USP42: variants seen among roughly 807,000 people sequenced by gnomAD.
USP42 encodes the protein ubiquitin carboxyl-terminal hydrolase 42.
In USP42, 23 loss-of-function variants were observed where a neutral mutation model predicts 113.0. That is an observed-to-expected ratio of 0.20 (90% CI 0.15 to 0.29). The LOEUF (loss-of-function observed/expected upper bound fraction) is 0.29, where lower values mean the gene tolerates loss of function less well. USP42 is among the 10% of genes least tolerant of loss of function. The pLI is 1.00. For missense variants in USP42, 2,174 were observed against 1,779.8 expected, an observed-to-expected ratio of 1.22 and a Z score of -3.99; for synonymous variants, 933 against 699.0, an observed-to-expected ratio of 1.33 and a Z score of -5.28.
chr7:6,159,233 C>A lies in USP42; in HGVS notation c.3944-217C>A, dbSNP rs1381522323. Reference sequence around the variant, plus strand: ...CAGGCTGCGTGTGGGTTGGATGGAGCCCTCAGTCATCACGTAAACCCTTTG... The same window carrying A: ...CAGGCTGCGTGTGGGTTGGATGGAGACCTCAGTCATCACGTAAACCCTTTG... On this transcript the variant is annotated intron_variant, in intron 16 of 17. Transcript: ENST00000306177. This position sits in a 1 kb window ranked among gnomAD's most constrained non-coding sequence, Gnocchi z 4.1. 2.0e-5 allele frequency among the ~76,000 whole-genome samples: 3 copies of A among 152,130 alleles called. No homozygotes were observed. Among genetic ancestry groups the A allele is most frequent in the East Asian group, 1.9e-4 (1 of 5,182 alleles).
chr7:6,106,220 T>C (rs1779267686), intron 1 of USP42, among the ~76,000 whole-genome samples: 1 of 152,244 alleles, frequency 6.6e-6, no homozygotes, highest in Admixed American at 6.5e-5. Flanking sequence ...TTGGTTTACT[T>C]AAGTATAATT....
rs894056388 is a variant in USP42 at position 6,139,612 on chromosome 7, A to G, written c.656+418A>G. The stretch of plus-strand genomic sequence containing the variant: ...TGATTCTTGTAGCTAGTTCCTTAAA[A>G]TCTAAATGCAGACTCAAGAGGAAGA... On this transcript the variant is annotated intron_variant, in intron 5 of 17. Transcript: ENST00000306177. The surrounding 1 kb of genome is among the most constrained non-coding windows in gnomAD (Gnocchi z 4.5). The G allele has an allele frequency of 1.0e-5, 2 of 199,134 alleles. No individual in the cohort carries two copies. Among genetic ancestry groups the G allele is most frequent in the African/African-American group, 4.7e-5 (2 of 42,208 alleles). The allele number at this position is 199,134 out of a possible 1,614,324, so 12.3% of individuals were successfully genotyped here.
chr7:6,157,286 G>T lies in USP42; in HGVS notation c.3943+231G>T. ...AAGGCCTAAGTGACACAGGACTGAG[G>T]GCAGCACTACCTGTGTCACCAAAGC... On this transcript the variant is annotated intron_variant, in intron 16 of 17. Coordinates refer to ENST00000306177, the MANE Select transcript of USP42 (RefSeq NM_032172.3). The surrounding 1 kb of genome is among the most constrained non-coding windows in gnomAD (Gnocchi z 4.1). The T allele has an allele frequency of 8.0e-7, 1 of 1,247,980 alleles. No homozygotes were observed. The highest frequency in any genetic ancestry group is 1.0e-6 in the Non-Finnish European group (1 of 996,688). The allele number at this position is 1,247,980 out of a possible 1,614,324, so 77.3% of individuals were successfully genotyped here.
the USP42 span, among the ~76,000 whole-genome samples, chr7:6,085,908 C>G: frequency 1.3e-5 from 2 of 151,286 alleles, no homozygotes; most frequent in East Asian, 3.9e-4. Context: ...CCACCGTGCC[C>G]AGCCTATTAG....
intron 6 of USP42, among the ~76,000 whole-genome samples, chr7:6,140,484 T>C (rs1781374382): frequency 6.6e-6 from 1 of 152,184 alleles, no homozygotes; most frequent in South Asian, 2.1e-4. Flanking sequence ...CCTTCGACAG[T>C]TGGAGTAGTG....
At chr7:6,145,742 CT>C in intron 10 of USP42, 86 bp downstream of exon 10, 1 of 1,432,130 alleles carries the variant, frequency 7.0e-7, no homozygotes, top group Non-Finnish European at 9.5e-7. Context: ...AGAGGTGGAA[CT>C]TTTACAGTTA....
At chr7:6,132,488 G>T (rs960424621) in intron 3 of USP42, among the ~76,000 whole-genome samples, 2 of 151,530 alleles carry the variant, frequency 1.3e-5, no homozygotes, top group Non-Finnish European at 2.9e-5. Flanking sequence ...CTCCTGAGTA[G>T]CTGGGGTTAC....
chr7:6,101,852 G>A (rs931557292), upstream of USP42, among the ~76,000 whole-genome samples: 8 of 150,316 alleles, frequency 5.3e-5, no homozygotes, highest in Non-Finnish European at 8.8e-5. Flanking sequence ...GCTGAGGTGG[G>A]CAGATCACTT....
At chr7:6,155,611 T>C (rs1308079861) in intron 15 of USP42, among the ~76,000 whole-genome samples, 1 of 152,208 alleles carries the variant, frequency 6.6e-6, no homozygotes, top group Non-Finnish European at 1.5e-5. Flanking sequence ...TGAAATTCAG[T>C]GGCTGTGAGG....
In USP42 at chr7:6,161,251, T is replaced by TCTCC. The variant is rs1304410018; in HGVS notation, c.*734_*737dup. On this transcript the variant is annotated 3_prime_UTR_variant, in exon 18 of 18. Coordinates refer to ENST00000306177, the MANE Select transcript of USP42 (RefSeq NM_032172.3). ...TCTCTTGTCTTCACTGATACTGGAG[T>TCTCC]CTCCGTTGTCTGCTTGGTCCCTTCG... The TCTCC allele has an allele frequency of 2.0e-5, 3 of 152,526 alleles. No individual in the cohort carries two copies. Among genetic ancestry groups the TCTCC allele is most frequent in the Non-Finnish European group, 2.9e-5 (2 of 68,026 alleles). The allele number at this position is 152,526 out of a possible 1,614,324, so 9.4% of individuals were successfully genotyped here. A position where few individuals can be genotyped will look rare whatever the true frequency, so the allele number is the denominator to read the frequency against.
intron 7 of USP42, among the ~76,000 whole-genome samples, chr7:6,142,452 A>G (rs1163410823): frequency 1.3e-5 from 2 of 152,142 alleles, no homozygotes; most frequent in Admixed American, 1.3e-4. Context: ...TCCTGACCTC[A>G]TGATCTGCCT....
At chr7:6,138,692 C>G (rs1456435497) in intron 4 of USP42, among the ~76,000 whole-genome samples, 1 of 152,194 alleles carries the variant, frequency 6.6e-6, no homozygotes, top group Non-Finnish European at 1.5e-5. Context: ...CACCTGAGCT[C>G]CGCCTCCTGT....
At chr7:6,086,603 A>G in the USP42 span, among the ~76,000 whole-genome samples, 3 of 148,172 alleles carry the variant, frequency 2.0e-5, no homozygotes, top group Admixed American at 2.0e-4. Context: ...ACCCCCCTCA[A>G]CCTCCCAAAG....
chr7:6,126,319 C>T (rs140307382), intron 3 of USP42, among the ~76,000 whole-genome samples: 4 of 148,946 alleles, frequency 2.7e-5, no homozygotes, highest in African/African-American at 9.9e-5. Context: ...AAGTCTTGCT[C>T]TGTTGTCCAG....
Position 6,159,484 on chromosome 7 carries a change from A to G in USP42, c.*27A>G, listed in dbSNP as rs746798598. On this transcript the variant is annotated 3_prime_UTR_variant, in exon 17 of 18. Coordinates refer to ENST00000306177, the MANE Select transcript of USP42 (RefSeq NM_032172.3). This position sits in a 1 kb window ranked among gnomAD's most constrained non-coding sequence, Gnocchi z 4.1. ...AACTCAGCCTCAAAACAAAAAATTC[A>G]CTAGTTATGGTAAGCTGTTTTCCTG... 63 of 1,613,608 alleles carry G rather than the reference A, an allele frequency of 3.9e-5. No homozygotes were observed. The Middle Eastern group carries it at 1.6e-3, about 42-fold the overall frequency.
At chr7:6,142,018 G>C (rs999459865) in intron 7 of USP42, among the ~76,000 whole-genome samples, 1 of 152,108 alleles carries the variant, frequency 6.6e-6, no homozygotes, top group African/African-American at 2.4e-5. Context: ...TGCAGTGAAT[G>C]GATAGACTGT....
At chr7:6,102,055 C>T (rs958822329), upstream of USP42, among the ~76,000 whole-genome samples, 2 of 149,760 alleles carry the variant, frequency 1.3e-5, no homozygotes, top group African/African-American at 5.0e-5. Context: ...GACATTCCAC[C>T]TTAATTCACA....
chr7:6,115,449 A>G lies in USP42; in HGVS notation c.368A>G (p.Asn123Ser). The change falls in exon 3 of 18, where the codon AAT becomes AGT. Residue 123 changes from asparagine (N) to serine (S), a missense_variant. Coordinates refer to ENST00000306177, the MANE Select transcript of USP42 (RefSeq NM_032172.3). ...LQNLGNTCFA[N>S]AALQCLTYTP... Reference sequence around the variant, plus strand: ...AATTTGGGCAATACCTGTTTTGCCAATGCAGCACTGCAGTGTTTAACCTAC... The same window carrying G: ...AATTTGGGCAATACCTGTTTTGCCAGTGCAGCACTGCAGTGTTTAACCTAC... 1.2e-6 allele frequency: 2 copies of G among 1,614,076 alleles called. No individual in the cohort carries two copies. Among genetic ancestry groups the G allele is most frequent in the Non-Finnish European group, 8.5e-7 (1 of 1,179,908 alleles).
chr7:6,109,991 A>G (rs1284019965), intron 1 of USP42, among the ~76,000 whole-genome samples: 1 of 151,576 alleles, frequency 6.6e-6, no homozygotes, highest in Non-Finnish European at 1.5e-5. Context: ...GTGCACCACC[A>G]TGCCTGGGTA....
Sources: allele counts gnomAD v4.1 joint callset (sites outside exome capture counted in the v4.1 genomes callset), GRCh38; gene constraint gnomAD v4.1.1; non-coding constraint Gnocchi (gnomAD v3.1); transcripts MANE v1.5; gene names NCBI Gene and HGNC (gene_info 2026-07-23, HGNC 2026-07-21).